The following PTPRD variants were observed in gnomAD, a reference collection of about 807,000 sequenced individuals.
The protein encoded by PTPRD is protein tyrosine phosphatase receptor type D.
In PTPRD, 34 loss-of-function variants were observed where a neutral mutation model predicts 214.5. The ratio of observed to expected loss-of-function variants is 0.16; its 90% CI spans 0.12 to 0.21. The LOEUF (loss-of-function observed/expected upper bound fraction) is 0.21, where lower values mean the gene tolerates loss of function less well. Among genes scored for constraint, PTPRD ranks in the 10% least tolerant of loss-of-function variants. PTPRD has a pLI of 1.00. For missense variants in PTPRD, 2,545 were observed against 2,398.7 expected, an observed-to-expected ratio of 1.06 and a Z score of -1.27; for synonymous variants, 1,128 against 845.7, an observed-to-expected ratio of 1.33 and a Z score of -5.79.
Position 9,305,021 on chromosome 9 carries a change from C to T in PTPRD, c.-203+92428G>A, listed in dbSNP as rs78171037. Reference sequence around the variant, plus strand: ...TTTGTCCACTAGTTCCCTTAGTTTTCGGTCAATACTTCACGCCCACCTGTT... The same window carrying T: ...TTTGTCCACTAGTTCCCTTAGTTTTTGGTCAATACTTCACGCCCACCTGTT... On this transcript the variant is annotated intron_variant, in intron 9 of 45. Coordinates refer to ENST00000381196, the MANE Select transcript of PTPRD (RefSeq NM_002839.4). 4.4e-3 allele frequency among the ~76,000 whole-genome samples: 648 copies of T among 148,956 alleles called. 2 individuals are homozygous for T. The highest frequency in any genetic ancestry group is 0.015 in the African/African-American group (621 of 40,236).
chr9:9,991,157 C>A (rs2095902800), intron 4 of PTPRD, among the ~76,000 whole-genome samples: 1 of 151,980 alleles, frequency 6.6e-6, no homozygotes, highest in Non-Finnish European at 1.5e-5. Flanking sequence ...TGATCCTGAA[C>A]TCCTGACCTC....
intron 3 of PTPRD, among the ~76,000 whole-genome samples, chr9:10,139,468 C>T (rs748288327): frequency 5.3e-5 from 8 of 151,708 alleles, no homozygotes; most frequent in African/African-American, 9.7e-5. Flanking sequence ...TTTAAAGATT[C>T]AATGGTATTC....
At chr9:8,360,152 T>G (rs2078111660) in intron 39 of PTPRD, among the ~76,000 whole-genome samples, 1 of 152,198 alleles carries the variant, frequency 6.6e-6, no homozygotes, top group Admixed American at 6.5e-5. Flanking sequence ...ACCAAGTTAA[T>G]TACTTTGGAA....
At chr9:10,030,802 T>C (rs1207167246) in intron 4 of PTPRD, among the ~76,000 whole-genome samples, 1 of 152,192 alleles carries the variant, frequency 6.6e-6, no homozygotes, top group Non-Finnish European at 1.5e-5. Flanking sequence ...TTTGTCATAC[T>C]CCCATCCCGC....
At chr9:9,211,508 T>G (rs1235677421) in intron 9 of PTPRD, among the ~76,000 whole-genome samples, 1 of 128,424 alleles carries the variant, frequency 7.8e-6, no homozygotes, top group Admixed American at 8.3e-5. Flanking sequence ...TCCCCCAGTG[T>G]GCGCACGCAC....
At chr9:9,019,281 GA>G (rs1554628949) in intron 10 of PTPRD, among the ~76,000 whole-genome samples, 49 of 72,190 alleles carry the variant, frequency 6.8e-4, no homozygotes, top group African/African-American at 2.3e-3. Context: ...GAAAAAGAAA[GA>G]AGAAAGAAAG....
chr9:8,596,971 G>A (rs11788439), intron 14 of PTPRD, among the ~76,000 whole-genome samples: 14,516 of 151,968 alleles, frequency 0.096, 827 homozygotes, highest in East Asian at 0.19. Flanking sequence ...CTATATTACT[G>A]TGCTGTTAAC....
At chr9:8,859,034 A>T (rs2098035114) in intron 11 of PTPRD, among the ~76,000 whole-genome samples, 1 of 152,228 alleles carries the variant, frequency 6.6e-6, no homozygotes. Flanking sequence ...GACAGCAGTG[A>T]TAATACTATA....
At chr9:9,763,034 A>G (rs1404946985) in intron 6 of PTPRD, among the ~76,000 whole-genome samples, 1 of 152,150 alleles carries the variant, frequency 6.6e-6, no homozygotes, top group East Asian at 1.9e-4. Context: ...GTAAGCAGAG[A>G]GGGAAAGAGA....
intron 2 of PTPRD, among the ~76,000 whole-genome samples, chr9:10,442,126 T>C (rs2098763531): frequency 1.3e-5 from 2 of 151,726 alleles, no homozygotes; most frequent in Admixed American, 1.3e-4. Flanking sequence ...ATACATTTGA[T>C]TTGAGCTTAT....
chr9:9,975,127 A>G (rs2095305648), intron 4 of PTPRD, among the ~76,000 whole-genome samples: 1 of 152,072 alleles, frequency 6.6e-6, no homozygotes, highest in Non-Finnish European at 1.5e-5. Context: ...GTGCGCTCCC[A>G]TTTACAGAGG....
intron 3 of PTPRD, among the ~76,000 whole-genome samples, chr9:10,084,584 T>C (rs1478030661): frequency 1.3e-5 from 2 of 151,986 alleles, no homozygotes; most frequent in Admixed American, 6.6e-5. Flanking sequence ...ATTAATTTCC[T>C]TATAAGTGTC....
At chr9:8,613,160 A>AT (rs1303773004) in intron 14 of PTPRD, among the ~76,000 whole-genome samples, 1 of 152,214 alleles carries the variant, frequency 6.6e-6, no homozygotes. Context: ...CTTCCAACAC[A>AT]TAACAGGTAT....
At chr9:10,013,362 T>C (rs980905753) in intron 4 of PTPRD, among the ~76,000 whole-genome samples, 2 of 151,892 alleles carry the variant, frequency 1.3e-5, no homozygotes, top group Non-Finnish European at 2.9e-5. Context: ...TTTAAGTAAA[T>C]GAATATTCCA....
At chr9:9,477,605 C>T (rs2095155936) in intron 8 of PTPRD, among the ~76,000 whole-genome samples, 1 of 152,070 alleles carries the variant, frequency 6.6e-6, no homozygotes, top group Non-Finnish European at 1.5e-5. Flanking sequence ...AAGGGTAAGA[C>T]CCAAAACAAG....
At chr9:10,020,484 G>C (rs2096828556) in intron 4 of PTPRD, among the ~76,000 whole-genome samples, 1 of 115,032 alleles carries the variant, frequency 8.7e-6, no homozygotes, top group Non-Finnish European at 1.9e-5. Flanking sequence ...TGTTTTTTTA[G>C]TAGAGACGGG....
chr9:9,360,606 A>G (rs182798327), intron 9 of PTPRD, among the ~76,000 whole-genome samples: 63 of 151,292 alleles, frequency 4.2e-4, no homozygotes, highest in African/African-American at 1.4e-3. Flanking sequence ...TGAATTAAGT[A>G]TAAAGAAATA....
chr9:9,977,492 T>C (rs2095399603), intron 4 of PTPRD, among the ~76,000 whole-genome samples: 1 of 152,164 alleles, frequency 6.6e-6, no homozygotes, highest in African/African-American at 2.4e-5. Context: ...CATAAACATA[T>C]TATCATAAGT....
intron 11 of PTPRD, among the ~76,000 whole-genome samples, chr9:8,867,352 T>C (rs951395346): frequency 2.0e-5 from 3 of 152,088 alleles, no homozygotes; most frequent in African/African-American, 7.2e-5. Context: ...TGCTCTGCCC[T>C]CCCCCTTGGC....
Sources: allele counts gnomAD v4.1 joint callset (sites outside exome capture counted in the v4.1 genomes callset), GRCh38; gene constraint gnomAD v4.1.1; transcripts MANE v1.5; gene names NCBI Gene and HGNC (gene_info 2026-07-23, HGNC 2026-07-21).